The following PRORP variants were observed in gnomAD, a reference collection of about 807,000 sequenced individuals.
The protein encoded by PRORP is mitochondrial ribonuclease P catalytic subunit.
PRORP carries 51 observed loss-of-function variants against 59.4 expected under a neutral mutation model. The observed-to-expected ratio is 0.86, with a 90% CI of 0.69 to 1.08. The LOEUF (loss-of-function observed/expected upper bound fraction) is 1.08, where lower values mean the gene tolerates loss of function less well. PRORP is among the 50% of genes least tolerant of loss of function. The pLI is 0.00. For synonymous variants in PRORP, 231 were observed against 245.6 expected, an observed-to-expected ratio of 0.94 and a Z score of 0.55; for missense variants, 646 against 690.3, an observed-to-expected ratio of 0.94 and a Z score of 0.72.
intron 4 of PRORP, among the ~76,000 whole-genome samples, chr14:35,154,674 C>T (rs1224185862): frequency 6.8e-6 from 1 of 147,542 alleles, no homozygotes; most frequent in Non-Finnish European, 1.5e-5. Flanking sequence ...GCAAGACAAC[C>T]CAGTTTCTTC....
intron 4 of PRORP, among the ~76,000 whole-genome samples, chr14:35,131,009 T>C (rs1158014645): frequency 6.6e-6 from 1 of 151,920 alleles, no homozygotes; most frequent in East Asian, 1.9e-4. Context: ...AATGGCGCGA[T>C]CTCAGCTTAC....
intron 4 of PRORP, among the ~76,000 whole-genome samples, chr14:35,139,304 C>G (rs1362520505): frequency 1.4e-5 from 2 of 145,316 alleles, no homozygotes; most frequent in African/African-American, 2.4e-5. Context: ...ATTTGACATA[C>G]AGTAAACAGC....
chr14:35,153,119 G>A (rs1438158786), intron 4 of PRORP, among the ~76,000 whole-genome samples: 2 of 152,276 alleles, frequency 1.3e-5, no homozygotes, highest in South Asian at 2.1e-4. Context: ...CTGAGTGAGC[G>A]AGACTCCGTC....
At chr14:35,152,944 C>T (rs28552865) in intron 4 of PRORP, among the ~76,000 whole-genome samples, 12 of 143,878 alleles carry the variant, frequency 8.3e-5, no homozygotes, top group African/African-American at 2.4e-4. Flanking sequence ...GCATCCCAGA[C>T]GATGGGCGGC....
chr14:35,132,214 T>A (rs1177202867), intron 4 of PRORP, among the ~76,000 whole-genome samples: 3 of 150,546 alleles, frequency 2.0e-5, no homozygotes, highest in African/African-American at 7.3e-5. Context: ...TCCCAGCACT[T>A]TGGGAGGCTG....
chr14:35,215,355 C>A (rs2049560403), intron 5 of PRORP, among the ~76,000 whole-genome samples: 1 of 152,080 alleles, frequency 6.6e-6, no homozygotes, highest in Non-Finnish European at 1.5e-5. Context: ...AGACTCCCAA[C>A]CTTTGAGAAA....
intron 5 of PRORP, among the ~76,000 whole-genome samples, chr14:35,254,386 T>C (rs930682345): frequency 3.3e-5 from 5 of 149,472 alleles, no homozygotes; most frequent in Non-Finnish European, 4.4e-5. Context: ...TGTTTGCTTG[T>C]TTGTTTGTTT....
At chr14:35,206,990 C>T (rs945784225) in intron 5 of PRORP, among the ~76,000 whole-genome samples, 3 of 152,164 alleles carry the variant, frequency 2.0e-5, no homozygotes, top group Non-Finnish European at 2.9e-5. Flanking sequence ...TTATTACATT[C>T]AGGGTTGTGA....
chr14:35,144,874 T>C (rs1479198121), intron 4 of PRORP, among the ~76,000 whole-genome samples: 1 of 146,156 alleles, frequency 6.8e-6, no homozygotes, highest in Non-Finnish European at 1.5e-5. Context: ...TAAAGTTTAT[T>C]TCCCTCTATC....
chr14:35,263,951 T>TC (rs1273451378), intron 5 of PRORP, among the ~76,000 whole-genome samples: 2 of 147,234 alleles, frequency 1.4e-5, no homozygotes, highest in African/African-American at 4.9e-5. Flanking sequence ...TGTCCATTCT[T>TC]TTTTTTTTTT....
intron 2 of PRORP, among the ~76,000 whole-genome samples, chr14:35,125,146 C>T (rs1242431013): frequency 6.6e-6 from 1 of 152,092 alleles, no homozygotes; most frequent in Non-Finnish European, 1.5e-5. Context: ...CAGGCGTGAA[C>T]CACCGCGTCC....
At chr14:35,263,731 G>T (rs1416557974) in intron 5 of PRORP, among the ~76,000 whole-genome samples, 1 of 152,100 alleles carries the variant, frequency 6.6e-6, no homozygotes, top group Non-Finnish European at 1.5e-5. Context: ...GTTACTAAAG[G>T]CAGGGACTAT....
chr14:35,250,855 AT>A (rs796450876), intron 5 of PRORP, among the ~76,000 whole-genome samples: 14 of 145,738 alleles, frequency 9.6e-5, no homozygotes, highest in Non-Finnish European at 1.1e-4. Context: ...TCTCCATTTT[AT>A]TTTTTTTTTC....
At chr14:35,143,159 GT>G (rs1227367600) in intron 4 of PRORP, among the ~76,000 whole-genome samples, 5 of 145,592 alleles carry the variant, frequency 3.4e-5, no homozygotes, top group African/African-American at 1.2e-4. Flanking sequence ...TTTGTTTTTT[GT>G]TTTGTTTTAA....
rs55940352 is a variant in PRORP, at chr14:35,151,639, T to TACACACACACAC, written c.1167+24056_1167+24067dup. 1.3e-3 allele frequency among the ~76,000 whole-genome samples: 180 copies of TACACACACACAC among 141,844 alleles called. 2 individuals are homozygous for TACACACACACAC. The highest frequency in any genetic ancestry group is 3.9e-3 in the African/African-American group (150 of 38,264). 93.1% of individuals were successfully genotyped at this position (141,844 alleles called of 152,430 possible). On this transcript the variant is annotated intron_variant, in intron 4 of 7. Transcript: ENST00000534898. ...TTATCTGACATGCTACACACACACA[T>TACACACACACAC]ACACACACACACACACACACACACA...
intron 4 of PRORP, among the ~76,000 whole-genome samples, chr14:35,168,940 A>AT (rs149145128): frequency 0.19 from 27,513 of 145,452 alleles, 2,717 homozygotes; most frequent in Admixed American, 0.27. Context: ...AGGTTCATTC[A>AT]TTTTTTTTTC....
intron 5 of PRORP, among the ~76,000 whole-genome samples, chr14:35,227,806 A>AT (rs569966319): frequency 2.0e-5 from 3 of 151,274 alleles, no homozygotes; most frequent in Non-Finnish European, 4.4e-5. Flanking sequence ...GTAACAAGTA[A>AT]TTTTTTTTTG....
chr14:35,262,495 C>T, intron 5 of PRORP: 1 of 538,298 alleles, frequency 1.9e-6, no homozygotes, highest in Non-Finnish European at 3.4e-6. Context: ...TGTCAACATT[C>T]CAGAAAATGG....
intron 5 of PRORP, among the ~76,000 whole-genome samples, chr14:35,213,969 T>C (rs1360623767): frequency 2.0e-5 from 3 of 152,244 alleles, no homozygotes; most frequent in African/African-American, 7.2e-5. Context: ...AAAAAATGAA[T>C]ATCTGTAAAG....
Sources: gnomAD v4.1 joint callset for allele counts (sites outside exome capture counted in the v4.1 genomes callset) on GRCh38, gnomAD v4.1.1 for gene constraint, MANE v1.5 for transcripts, NCBI Gene and HGNC (gene_info 2026-07-23, HGNC 2026-07-21) for gene names.